STK25: variants seen among roughly 807,000 people sequenced by gnomAD.
STK25 encodes the protein serine/threonine kinase 25.
In STK25, 29 loss-of-function variants were observed where a neutral mutation model predicts 53.8. The ratio of observed to expected loss-of-function variants is 0.54; its 90% CI spans 0.40 to 0.74. STK25 has a LOEUF of 0.74. STK25 is among the 30% of genes least tolerant of loss of function. The pLI is 0.00. For synonymous variants in STK25, 247 were observed against 238.3 expected (o/e 1.04, Z -0.33); for missense variants, 420 against 568.0 (o/e 0.74, Z 2.65).
At position 241,495,348 on chromosome 2, in the gene STK25, T is replaced by G. The variant is rs1434889381; in HGVS notation, c.*314A>C. ...TGGTCTGAGCGGCCATAGGGCTGCA[T>G]GAGTCTGCAGAAGACCCAGGCGTAG... On this transcript the variant is annotated 3_prime_UTR_variant, in exon 12 of 12. Coordinates refer to ENST00000316586, the MANE Select transcript of STK25 (RefSeq NM_001271977.2). The G allele has an allele frequency of 8.3e-6, 3 of 360,384 alleles. No individual in the cohort carries two copies. The highest frequency in any genetic ancestry group is 5.2e-5 in the East Asian group (1 of 19,240). 22.3% of individuals were successfully genotyped at this position (360,384 alleles called of 1,614,324 possible).
At position 241,496,210 on chromosome 2, in the gene STK25, A is replaced by G. The variant is rs2065145205; in HGVS notation, c.1241+188T>C. ...GGCCCTGCCCACTCTCTCCAGCCCC[A>G]AAGTCTCCATGGCCCTGTGAGCTGG... On this transcript the variant is annotated intron_variant, in intron 11 of 11. Transcript: ENST00000316586. This position sits in a 1 kb window ranked among gnomAD's most constrained non-coding sequence, Gnocchi z 5.8. 6.6e-6 allele frequency among the ~76,000 whole-genome samples: 1 copy of G among 151,906 alleles called. No homozygotes were observed. The highest frequency in any genetic ancestry group is 6.6e-5 in the Admixed American group (1 of 15,262).
At chr2:241,508,847 C>T (rs1274882680), upstream of STK25, among the ~76,000 whole-genome samples, 9 of 152,162 alleles carry the variant, frequency 5.9e-5, no homozygotes, top group Admixed American at 5.9e-4. Context: ...GTTGTCGCGT[C>T]GCGCCCTCCC....
At chr2:241,500,136 A>G (rs1353832350) in intron 5 of STK25, 37 bp downstream of exon 5, 1 of 1,558,630 alleles carries the variant, frequency 6.4e-7, no homozygotes, top group East Asian at 2.2e-5. Flanking sequence ...AGTGGGGCTC[A>G]GGACGTTACA....
chr2:241,493,717 C>T lies in STK25; in HGVS notation c.*1945G>A, dbSNP rs2065019911. On this transcript the variant is annotated 3_prime_UTR_variant, in exon 12 of 12. Coordinates refer to ENST00000316586, the MANE Select transcript of STK25 (RefSeq NM_001271977.2). ...TCAAGCGATTCTTCTGCCTCAGCCTCCTGAGTAACTGAGATTACAGGCATG... is the reference window on the plus strand; with the variant it reads ...TCAAGCGATTCTTCTGCCTCAGCCTTCTGAGTAACTGAGATTACAGGCATG... The T allele has an allele frequency of 1.9e-6, 1 of 520,758 alleles. No homozygotes were observed. Among genetic ancestry groups the T allele is most frequent in the Non-Finnish European group, 3.4e-6 (1 of 292,270 alleles). 32.3% of individuals were successfully genotyped at this position (520,758 alleles called of 1,614,324 possible).
At chr2:241,500,099 C>CT (rs1433002362) in intron 5 of STK25, 74 bp downstream of exon 5, 1 of 1,363,852 alleles carries the variant, frequency 7.3e-7, no homozygotes, top group Non-Finnish European at 1.0e-6. Context: ...CCACTTGCCC[C>CT]TCACAGGCCC....
At chr2:241,508,419 C>G in intron 1 of STK25, 24 bp downstream of exon 1, 1 of 1,082,596 alleles carries the variant, frequency 9.2e-7, no homozygotes, top group Non-Finnish European at 1.1e-6. Flanking sequence ...TCGCCGCAAG[C>G]GCCCCGCCCG....
At position 241,499,338 on chromosome 2, in the gene STK25, C is replaced by T. The variant is rs146698482; in HGVS notation, c.504G>A (p.Thr168=). 2.4e-5 allele frequency: 39 copies of T among 1,614,028 alleles called. No individual in the cohort carries two copies. In the Middle Eastern group the frequency reaches 5.0e-4, roughly 20 times the overall value. The change falls in exon 6 of 12, where the codon ACG becomes ACA. Residue 168 remains threonine (T), a synonymous_variant. Transcript: ENST00000316586. ...DFGVAGQLTD[T]QIKRNTFVGT... ...CCACGAATGTGTTCCTCTTAATCTG[C>T]GTGTCTGTGAGCTGCCCTGCTACCC...
Position 241,499,030 on chromosome 2 carries a change from TG to T in STK25, c.729del (p.Phe243LeufsTer23). The T allele has an allele frequency of 6.2e-7, 1 of 1,614,040 alleles. No homozygotes were observed. Among genetic ancestry groups the T allele is most frequent in the Non-Finnish European group, 8.5e-7 (1 of 1,180,004 alleles). On this transcript the variant is annotated frameshift_variant, in exon 7 of 12. Coordinates refer to ENST00000316586, the MANE Select transcript of STK25 (RefSeq NM_001271977.2). LOFTEE classifies it high-confidence loss of function. ...PTLEGQHSKP[F>X]KEFVEACLNK... ...TTGAGGCAGGCCTCCACGAACTCCT[TG>T]AAGGGCTTGCTGTGCTGGCCCTCCA...
Position 241,501,276 on chromosome 2 carries a change from A to T in STK25, c.261+202T>A. On this transcript the variant is annotated intron_variant, in intron 3 of 11. Coordinates refer to ENST00000316586, the MANE Select transcript of STK25 (RefSeq NM_001271977.2). The surrounding 1 kb of genome is among the most constrained non-coding windows in gnomAD (Gnocchi z 5.3). ...CTCACTGCATTACCACAGGCAGGCA[A>T]GTGGGTCCCAATGGCCATTTAGAGC... is the stretch of plus-strand genomic sequence containing the variant. 1.6e-6 allele frequency: 1 copy of T among 632,456 alleles called. No individual in the cohort carries two copies. The allele number at this position is 632,456 out of a possible 1,614,324, so 39.2% of individuals were successfully genotyped here. A position where few individuals can be genotyped will look rare whatever the true frequency, so the allele number is the denominator to read the frequency against.
intron 5 of STK25, chr2:241,499,693 G>A (rs1212514111): frequency 7.4e-6 from 4 of 538,408 alleles, no homozygotes; most frequent in Non-Finnish European, 1.3e-5. Context: ...CCCACTGGGG[G>A]CTACCGCAGA....
At chr2:241,509,000 C>A (rs2066021333), upstream of STK25, among the ~76,000 whole-genome samples, 1 of 152,230 alleles carries the variant, frequency 6.6e-6, no homozygotes, top group South Asian at 2.1e-4. Flanking sequence ...CGGCGCCCTC[C>A]CCGCCTCGCC....
chr2:241,508,751 T>A, upstream of STK25: 1 of 985,182 alleles, frequency 1.0e-6, no homozygotes, highest in Non-Finnish European at 1.2e-6. Context: ...GCCGCGAGGC[T>A]CTCTGGGACC....
rs778883751 is a variant in STK25, at chr2:241,493,085, C to G, written c.*2577G>C. The G allele has an allele frequency of 8.5e-7, 1 of 1,181,414 alleles. No individual in the cohort carries two copies. Among genetic ancestry groups the G allele is most frequent in the Admixed American group, 1.7e-5 (1 of 59,268 alleles). The allele number at this position is 1,181,414 out of a possible 1,614,324, so 73.2% of individuals were successfully genotyped here. On this transcript the variant is annotated 3_prime_UTR_variant, in exon 12 of 12. Coordinates refer to ENST00000316586, the MANE Select transcript of STK25 (RefSeq NM_001271977.2). The stretch of plus-strand genomic sequence containing the variant: ...AATGCAGGTGATGCTAGCAGACAGA[C>G]ACTTAACCCTGCTCACCTGTGTCCC...
chr2:241,504,443 T>TG (rs892958760), intron 2 of STK25, among the ~76,000 whole-genome samples: 1 of 152,168 alleles, frequency 6.6e-6, no homozygotes, highest in Non-Finnish European at 1.5e-5. Context: ...GAGTACTGCC[T>TG]GGGGTCATTC....
At position 241,492,946 on chromosome 2, in the gene STK25, T is replaced by G. The variant is rs769980116; in HGVS notation, c.*2716A>C. ...ATTGACAGAACCAGCTTTCAGGATATCTGCTAAGAAAGTTCAAAAACAGTC... is the reference window on the plus strand; with the variant it reads ...ATTGACAGAACCAGCTTTCAGGATAGCTGCTAAGAAAGTTCAAAAACAGTC... On this transcript the variant is annotated 3_prime_UTR_variant, in exon 12 of 12. Coordinates refer to ENST00000316586, the MANE Select transcript of STK25 (RefSeq NM_001271977.2). 1.5e-5 allele frequency: 24 copies of G among 1,609,144 alleles called. 1 individual carries two copies. The Middle Eastern group carries it at 2.5e-3, about 165-fold the overall frequency.
intron 9 of STK25, among the ~76,000 whole-genome samples, 166 bp downstream of exon 9, chr2:241,498,069 G>T (rs2065279951): frequency 6.6e-6 from 1 of 152,204 alleles, no homozygotes; most frequent in African/African-American, 2.4e-5. Flanking sequence ...GGGGCTCGGG[G>T]TCTCCACACC....
chr2:241,498,522 C>T (rs911790952), intron 8 of STK25, 117 bp downstream of exon 8: 120 of 1,388,860 alleles, frequency 8.6e-5, no homozygotes, highest in Non-Finnish European at 1.1e-4. Context: ...GAGGGGGTCC[C>T]TGCCCAACAC....
chr2:241,501,380 G>T lies in STK25; in HGVS notation c.261+98C>A. ...CGGAGGGCATGCACTGAACCGTCAAGACCGCCTTGCACCCTCTGGCATGTC... is the reference window on the plus strand; with the variant it reads ...CGGAGGGCATGCACTGAACCGTCAATACCGCCTTGCACCCTCTGGCATGTC... On this transcript the variant is annotated intron_variant, in intron 3 of 11. Transcript: ENST00000316586. The surrounding 1 kb of genome is among the most constrained non-coding windows in gnomAD (Gnocchi z 5.3). The T allele has an allele frequency of 7.9e-7, 1 of 1,271,304 alleles. No homozygotes were observed. The highest frequency in any genetic ancestry group is 1.1e-6 in the Non-Finnish European group (1 of 891,714). The allele number at this position is 1,271,304 out of a possible 1,614,324, so 78.8% of individuals were successfully genotyped here.
Position 241,499,088 on chromosome 2 carries a change from C to G in STK25, c.672G>C (p.Leu224=). Residue 224 remains leucine (L), a synonymous_variant, in exon 7 of 12, where the codon CTG becomes CTC. Coordinates refer to ENST00000316586, the MANE Select transcript of STK25 (RefSeq NM_001271977.2). ...PNSDLHPMRV[L]FLIPKNSPPT... is the part of the protein sequence containing the mutation. ...GTGGGCTGTTCTTGGGAATCAGGAA[C>G]AGGACGCGCATGGGGTGGAGGTCAG... 6.2e-7 allele frequency: 1 copy of G among 1,614,128 alleles called. No homozygotes were observed. Among genetic ancestry groups the G allele is most frequent in the Admixed American group, 1.7e-5 (1 of 60,026 alleles).
Sources: allele counts gnomAD v4.1 joint callset (sites outside exome capture counted in the v4.1 genomes callset), GRCh38; gene constraint gnomAD v4.1.1; non-coding constraint Gnocchi (gnomAD v3.1); transcripts MANE v1.5; gene names NCBI Gene and HGNC (gene_info 2026-07-23, HGNC 2026-07-21).